The following RBKS variants were observed in gnomAD, a reference collection of about 807,000 sequenced individuals.
The protein encoded by RBKS is ribokinase.
In RBKS, 33 loss-of-function variants were observed where a neutral mutation model predicts 33.9. The observed-to-expected ratio is 0.97, with a 90% CI of 0.74 to 1.30. The LOEUF is 1.30. Among genes scored for constraint, RBKS ranks in the 50% most tolerant of loss-of-function variants. The pLI is 0.00. For missense variants in RBKS, 361 were observed against 392.6 expected (o/e 0.92, Z 0.68); for synonymous variants, 125 against 143.0 (o/e 0.87, Z 0.90).
At chr2:27,784,036 T>C (rs555561348) in intron 7 of RBKS, among the ~76,000 whole-genome samples, 1 of 88,304 alleles carries the variant, frequency 1.1e-5, no homozygotes, top group South Asian at 5.3e-4. Flanking sequence ...CAGGCTGGAG[T>C]GCAGTGGCGG....
intron 4 of RBKS, among the ~76,000 whole-genome samples, chr2:27,843,971 T>C (rs1339067307): frequency 4.6e-5 from 7 of 152,154 alleles, no homozygotes; most frequent in Admixed American, 2.6e-4. Context: ...GAAATGTGGC[T>C]AGTCCTGGCT....
At chr2:27,805,188 G>A (rs934230511) in intron 7 of RBKS, among the ~76,000 whole-genome samples, 1 of 152,118 alleles carries the variant, frequency 6.6e-6, no homozygotes, top group Non-Finnish European at 1.5e-5. Flanking sequence ...AGCTGATGAG[G>A]TTTAAAAAAT....
intron 7 of RBKS, among the ~76,000 whole-genome samples, chr2:27,801,402 T>C (rs1330399259): frequency 6.6e-6 from 1 of 150,692 alleles, no homozygotes. Flanking sequence ...AATCCATTCT[T>C]GGTGGCAGTG....
At chr2:27,858,744 G>C (rs1413723393) in intron 1 of RBKS, among the ~76,000 whole-genome samples, 173 bp from the exon 2 acceptor site, 1 of 152,194 alleles carries the variant, frequency 6.6e-6, no homozygotes, top group Non-Finnish European at 1.5e-5. Flanking sequence ...TTAGTAGTTT[G>C]CATCATTATC....
chr2:27,849,838 G>A (rs750853598), intron 2 of RBKS, among the ~76,000 whole-genome samples: 7 of 152,126 alleles, frequency 4.6e-5, no homozygotes, highest in Non-Finnish European at 7.4e-5. Context: ...CCAGCCATTT[G>A]CAGGGGCCAG....
Position 27,890,199 on chromosome 2 carries a change from A to T in RBKS, c.89+58T>A. On this transcript the variant is annotated intron_variant, in intron 1 of 7. Transcript: ENST00000302188. The surrounding 1 kb of genome is among the most constrained non-coding windows in gnomAD (Gnocchi z 4.8). ...CGCCCAAAAGCTCCACTGGGCGCATAGCGCACGGCACGCCTCCTCCCCCGA... is the reference window on the plus strand; with the variant it reads ...CGCCCAAAAGCTCCACTGGGCGCATTGCGCACGGCACGCCTCCTCCCCCGA... The T allele has an allele frequency of 6.5e-7, 1 of 1,541,316 alleles. No homozygotes were observed. Among genetic ancestry groups the T allele is most frequent in the Non-Finnish European group, 8.9e-7 (1 of 1,120,218 alleles).
At chr2:27,812,472 A>G (rs1320562752) in intron 7 of RBKS, among the ~76,000 whole-genome samples, 1 of 152,236 alleles carries the variant, frequency 6.6e-6, no homozygotes, top group Non-Finnish European at 1.5e-5. Flanking sequence ...ATGTCCATCA[A>G]TGATAAACTG....
chr2:27,785,474 G>A (rs1231860046), intron 7 of RBKS, among the ~76,000 whole-genome samples: 1 of 152,162 alleles, frequency 6.6e-6, no homozygotes, highest in Non-Finnish European at 1.5e-5. Context: ...TAGAAAATGT[G>A]TAACGCTCGG....
In RBKS at chr2:27,810,785, C is replaced by CCATCTCT. The variant is rs574801050; in HGVS notation, c.795+16775_795+16781dup. ...TCCACTTCCCTAGTCCAGGCTGCCACCATCTCTCACCCAGATCAATACGAC... is the reference window on the plus strand; with the variant it reads ...TCCACTTCCCTAGTCCAGGCTGCCACCATCTCTCATCTCTCACCCAGATCAATACGAC... On this transcript the variant is annotated intron_variant, in intron 7 of 7. Transcript: ENST00000302188. The surrounding 1 kb of genome is among the most constrained non-coding windows in gnomAD (Gnocchi z 4.4). Among the ~76,000 whole-genome samples, 4 of 152,318 alleles carry CCATCTCT rather than the reference C, an allele frequency of 2.6e-5. No homozygotes were observed. Among genetic ancestry groups the CCATCTCT allele is most frequent in the African/African-American group, 9.6e-5 (4 of 41,568 alleles).
intron 7 of RBKS, among the ~76,000 whole-genome samples, chr2:27,794,310 A>AT (rs1288222092): frequency 1.8e-5 from 2 of 112,912 alleles, no homozygotes; most frequent in Admixed American, 1.6e-4. Context: ...CCACAAAATA[A>AT]TAATAATAAT....
intron 6 of RBKS, among the ~76,000 whole-genome samples, chr2:27,830,509 C>T (rs1020397242): frequency 6.6e-6 from 1 of 152,094 alleles, no homozygotes; most frequent in Non-Finnish European, 1.5e-5. Context: ...CATGATCTGC[C>T]CACCTTGGCC....
At chr2:27,828,793 T>A (rs1678366405) in intron 6 of RBKS, among the ~76,000 whole-genome samples, 1 of 152,236 alleles carries the variant, frequency 6.6e-6, no homozygotes, top group African/African-American at 2.4e-5. Flanking sequence ...TTGTTTTTCA[T>A]ATTCACATGT....
At chr2:27,808,978 G>A (rs1003503137) in intron 7 of RBKS, among the ~76,000 whole-genome samples, 1 of 152,148 alleles carries the variant, frequency 6.6e-6, no homozygotes, top group African/African-American at 2.4e-5. Flanking sequence ...GAAACTCTTT[G>A]TTTTTTCACA....
chr2:27,783,305 A>T (rs1206067381), intron 7 of RBKS, among the ~76,000 whole-genome samples: 3 of 152,112 alleles, frequency 2.0e-5, no homozygotes, highest in Non-Finnish European at 4.4e-5. Context: ...AAAATCCCCC[A>T]AGATGCTCCA....
intron 7 of RBKS, among the ~76,000 whole-genome samples, chr2:27,784,931 A>G (rs948702291): frequency 2.6e-5 from 4 of 152,202 alleles, no homozygotes; most frequent in Admixed American, 2.0e-4. Flanking sequence ...AGCAGCCAAC[A>G]TGGGAAAGGC....
intron 2 of RBKS, 42 bp downstream of exon 2, chr2:27,858,397 A>T (rs773682548): frequency 6.5e-7 from 1 of 1,548,850 alleles, no homozygotes; most frequent in Admixed American, 2.1e-5. Context: ...TTAAAACCAG[A>T]TTCTTACCTC....
At chr2:27,843,929 G>A (rs1663565343) in intron 4 of RBKS, among the ~76,000 whole-genome samples, 1 of 152,190 alleles carries the variant, frequency 6.6e-6, no homozygotes, top group South Asian at 2.1e-4. Flanking sequence ...TGGTAGTCAT[G>A]AGCACGAGCC....
In RBKS at chr2:27,843,817, C is replaced by G. The variant is rs553203032; in HGVS notation, c.350-586G>C. On this transcript the variant is annotated intron_variant, in intron 4 of 7. Transcript: ENST00000302188. ...ACAGAACTAAGGAATCTGATATATT[C>G]TTATTACTTGGACCTGCTGTCTATA... 2.0e-5 allele frequency among the ~76,000 whole-genome samples: 3 copies of G among 152,288 alleles called. No individual in the cohort carries two copies. In the East Asian group the frequency reaches 5.8e-4, roughly 29 times the overall value.
chr2:27,820,549 T>TTCTCTC lies in RBKS; in HGVS notation c.795+7012_795+7017dup, dbSNP rs10534268. The stretch of plus-strand genomic sequence containing the variant: ...TAGACTCTTAGAAGGAGATTTACTA[T>TTCTCTC]TCTCTCTCTCTCTCTCTCTCTCTCT... On this transcript the variant is annotated intron_variant, in intron 7 of 7. Coordinates refer to ENST00000302188, the MANE Select transcript of RBKS (RefSeq NM_022128.3). Among the ~76,000 whole-genome samples, 295 of 147,966 alleles carry TTCTCTC rather than the reference T, an allele frequency of 2.0e-3. 2 individuals are homozygous for TTCTCTC. Among genetic ancestry groups the TTCTCTC allele is most frequent in the Middle Eastern group, 0.01 (3 of 288 alleles).
Sources: gnomAD v4.1 joint callset for allele counts (sites outside exome capture counted in the v4.1 genomes callset) on GRCh38, gnomAD v4.1.1 for gene constraint, Gnocchi (gnomAD v3.1) non-coding constraint, MANE v1.5 for transcripts, NCBI Gene and HGNC (gene_info 2026-07-23, HGNC 2026-07-21) for gene names.